The following MYOM2 variants were observed in gnomAD, a reference collection of about 807,000 sequenced individuals.
MYOM2 encodes the protein myomesin-2.
A neutral mutation model predicts 187.6 loss-of-function variants in MYOM2; 254 were observed. The observed-to-expected ratio is 1.35, with a 90% CI of 1.22 to 1.50. The LOEUF (loss-of-function observed/expected upper bound fraction) is 1.50, where lower values mean the gene tolerates loss of function less well. Among genes scored for constraint, MYOM2 ranks in the 40% most tolerant of loss-of-function variants. MYOM2 has a pLI of 0.00. For missense variants in MYOM2, 2,796 were observed against 1,924.0 expected (o/e 1.45, Z -8.48); for synonymous variants, 981 against 753.8 (o/e 1.30, Z -4.94).
intron 25 of MYOM2, 45 bp from the exon 26 acceptor site, chr8:2,115,915 G>A: frequency 6.3e-7 from 1 of 1,589,110 alleles, no homozygotes; most frequent in Non-Finnish European, 8.6e-7. Context: ...AAAACTAGGA[G>A]AGATTTCCTT....
intron 21 of MYOM2, among the ~76,000 whole-genome samples, chr8:2,103,717 G>A (rs1194265946): frequency 6.7e-6 from 1 of 150,166 alleles, no homozygotes; most frequent in Non-Finnish European, 1.5e-5. Flanking sequence ...ATGTATTAGT[G>A]TATATGTGTA....
intron 10 of MYOM2, 128 bp from the exon 11 acceptor site, chr8:2,076,013 G>A (rs928983402): frequency 4.9e-6 from 4 of 822,704 alleles, no homozygotes; most frequent in East Asian, 3.0e-5. Context: ...CTAGTACTTT[G>A]AACATGAGAA....
rs1797964898 is a variant in MYOM2, at chr8:2,133,958, GGTTAA to G, written c.3800+4727_3800+4731del. Among the ~76,000 whole-genome samples the G allele has an allele frequency of 7.9e-5, 12 of 151,832 alleles. 3 individuals are homozygous for G. The highest frequency in any genetic ancestry group is 2.9e-4 in the African/African-American group (12 of 41,350). On this transcript the variant is annotated intron_variant, in intron 32 of 36. Transcript: ENST00000262113. ...TACATCCTCCACCCTCTTCCCCTGA[GGTTAA>G]CGTCTTCTGTAGCCACCTCCACCCT...
chr8:2,079,725 G>T, intron 13 of MYOM2, 112 bp downstream of exon 13: 7 of 1,165,444 alleles, frequency 6.0e-6, no homozygotes. Context: ...CCTCTGCATG[G>T]AAAAATGAAA....
intron 6 of MYOM2, among the ~76,000 whole-genome samples, chr8:2,060,483 C>T (rs1184543076): frequency 6.6e-6 from 1 of 151,584 alleles, no homozygotes; most frequent in Non-Finnish European, 1.5e-5. Context: ...TATCAAATCC[C>T]TTCTAGGAAA....
intron 32 of MYOM2, 40 bp downstream of exon 32, chr8:2,129,272 G>T (rs752500037): frequency 1.4e-6 from 2 of 1,441,098 alleles, no homozygotes; most frequent in Non-Finnish European, 2.0e-6. Context: ...TGCCATAGAT[G>T]GGGCTGTCCA....
Position 2,076,209 on chromosome 8 carries a change from G to GACT in MYOM2, c.1192_1194dup (p.Tyr398dup). The GACT allele has an allele frequency of 6.2e-7, 1 of 1,613,624 alleles. No homozygotes were observed. The highest frequency in any genetic ancestry group is 8.5e-7 in the Non-Finnish European group (1 of 1,179,924). On this transcript the variant is annotated inframe_insertion, in exon 11 of 37. Coordinates refer to ENST00000262113, the MANE Select transcript of MYOM2 (RefSeq NM_003970.4). ...CTTGCAGTGCCACGACGCCAACCGG[G>GACT]ACTACGTCATCGTGACCTGGAAGCC...
At position 2,123,322 on chromosome 8, in the gene MYOM2, T is replaced by G. The variant is rs1268774997; in HGVS notation, c.3524T>G (p.Leu1175Arg). Residue 1175 changes from leucine to arginine, a missense_variant, in exon 29 of 37, where the codon CTG becomes CGG. Transcript: ENST00000262113. ...KDDVLYETET[L>R]PNLERGICEL... is the part of the protein sequence containing the mutation. Reference sequence around the variant, plus strand: ...GATGTTCTGTATGAAACGGAGACACTGCCTAACCTGGAGAGGGGAATCTGT... The same window carrying G: ...GATGTTCTGTATGAAACGGAGACACGGCCTAACCTGGAGAGGGGAATCTGT... 6.2e-7 allele frequency: 1 copy of G among 1,614,048 alleles called. No individual in the cohort carries two copies. The highest frequency in any genetic ancestry group is 1.7e-5 in the Admixed American group (1 of 60,026).
intron 32 of MYOM2, among the ~76,000 whole-genome samples, chr8:2,131,887 C>G (rs907352367): frequency 1.3e-5 from 2 of 152,128 alleles, no homozygotes; most frequent in African/African-American, 4.8e-5. Flanking sequence ...TCGTGATCCA[C>G]CCACCTGGGC....
At chr8:2,080,397 T>G (rs148583130) in intron 13 of MYOM2, among the ~76,000 whole-genome samples, 137 of 152,330 alleles carry the variant, frequency 9.0e-4, no homozygotes, top group African/African-American at 3.2e-3. Context: ...ATCCACACAT[T>G]GCATGTTCTG....
chr8:2,106,625 T>G, intron 23 of MYOM2, 28 bp downstream of exon 23: 1 of 1,514,374 alleles, frequency 6.6e-7, no homozygotes. Context: ...GAACCTTGCC[T>G]GTTTTGGTTT....
intron 15 of MYOM2, 143 bp from the exon 16 acceptor site, chr8:2,092,203 C>G (rs1016452659): frequency 1.0e-6 from 1 of 984,574 alleles, no homozygotes; most frequent in African/African-American, 1.6e-5. Context: ...GGCTCCTCTC[C>G]TACTCCTGGA....
intron 34 of MYOM2, among the ~76,000 whole-genome samples, chr8:2,141,866 A>G (rs995079657): frequency 1.3e-5 from 2 of 152,210 alleles, no homozygotes; most frequent in African/African-American, 4.8e-5. Context: ...TCATCAGGGC[A>G]GCACATCACA....
chr8:2,088,418 T>G (rs1796169890), intron 14 of MYOM2, among the ~76,000 whole-genome samples: 1 of 152,250 alleles, frequency 6.6e-6, no homozygotes, highest in African/African-American at 2.4e-5. Flanking sequence ...TAGGTGGTTT[T>G]TCAGCCCTTG....
intron 16 of MYOM2, 64 bp from the exon 17 acceptor site, chr8:2,093,906 C>A (rs1393350802): frequency 1.5e-5 from 23 of 1,576,268 alleles, no homozygotes; most frequent in Non-Finnish European, 2.0e-5. Flanking sequence ...GTGATTTTTG[C>A]TTCTGCTGCA....
chr8:2,073,259 A>G, intron 9 of MYOM2, 80 bp from the exon 10 acceptor site: 5 of 1,489,936 alleles, frequency 3.4e-6, no homozygotes, highest in Non-Finnish European at 4.6e-6. Context: ...CCGCTCTGAG[A>G]CGACGCTGGT....
rs186393892 is a variant in MYOM2, at chr8:2,143,146, T to C, written c.4025-255T>C. ...GAATTCTTCACCCTTCAAGCCCAGT[T>C]CCCATCTCACATTTCCTCTGGAGTG... On this transcript the variant is annotated intron_variant, in intron 35 of 36. Transcript: ENST00000262113. 4.7e-3 allele frequency among the ~76,000 whole-genome samples: 717 copies of C among 152,236 alleles called. 14 individuals carry two copies. Among genetic ancestry groups the C allele is most frequent in the East Asian group, 0.045 (234 of 5,144 alleles).
chr8:2,136,124 G>C (rs1798060860), intron 32 of MYOM2, among the ~76,000 whole-genome samples: 1 of 152,230 alleles, frequency 6.6e-6, no homozygotes, highest in Non-Finnish European at 1.5e-5. Flanking sequence ...CAAGAGAAGT[G>C]TGTGTGATGC....
Position 2,117,961 on chromosome 8 carries a change from C to A in MYOM2, c.3453+9C>A, listed in dbSNP as rs564479227. 3 of 1,610,854 alleles carry A rather than the reference C, an allele frequency of 1.9e-6. No homozygotes were observed. In the East Asian group the frequency reaches 6.7e-5, roughly 36 times the overall value. ...TTCGACTTGTTTGCAAGGTGAGAAA[C>A]CCGGTTCTAACAGGAAAACAATAAA... On this transcript the variant is annotated intron_variant, in intron 28 of 36. Coordinates refer to ENST00000262113, the MANE Select transcript of MYOM2 (RefSeq NM_003970.4).
Sources: gnomAD v4.1 joint callset for allele counts (sites outside exome capture counted in the v4.1 genomes callset) on GRCh38, gnomAD v4.1.1 for gene constraint, MANE v1.5 for transcripts, NCBI Gene and HGNC (gene_info 2026-07-23, HGNC 2026-07-21) for gene names.